The following NACC2 variants were observed in gnomAD, a reference collection of about 807,000 sequenced individuals.
NACC2 encodes nucleus accumbens-associated protein 2.
In NACC2, 8 loss-of-function variants were observed where a neutral mutation model predicts 25.1. That is an observed-to-expected ratio of 0.32 (90% confidence interval 0.19 to 0.57). The LOEUF is 0.57. NACC2 is among the 20% of genes least tolerant of loss of function. The pLI is 0.89. For missense variants in NACC2, 644 were observed against 650.2 expected (o/e 0.99, Z 0.10); for synonymous variants, 435 against 294.7 (o/e 1.48, Z -4.88).
At chr9:136,063,635 G>C (rs1841042056) in intron 1 of NACC2, among the ~76,000 whole-genome samples, 1 of 152,180 alleles carries the variant, frequency 6.6e-6, no homozygotes, top group South Asian at 2.1e-4. Context: ...TGTAATCCCA[G>C]CACTTGGGAG....
intron 2 of NACC2, among the ~76,000 whole-genome samples, chr9:136,043,311 C>A (rs1356697416): frequency 6.6e-6 from 1 of 152,150 alleles, no homozygotes; most frequent in Non-Finnish European, 1.5e-5. Flanking sequence ...AAATACGTCA[C>A]AATAAAAGTT....
chr9:136,029,833 C>T (rs1177328911), intron 2 of NACC2, among the ~76,000 whole-genome samples: 1 of 152,184 alleles, frequency 6.6e-6, no homozygotes, highest in African/African-American at 2.4e-5. Flanking sequence ...CTCGCTCACA[C>T]ACCCCTTGCT....
intron 1 of NACC2, among the ~76,000 whole-genome samples, chr9:136,085,323 T>A (rs988958942): frequency 6.6e-6 from 1 of 151,480 alleles, no homozygotes; most frequent in Admixed American, 6.6e-5. Flanking sequence ...CCCAAAAAAA[T>A]TTTTTTAATT....
At chr9:136,042,615 C>T (rs536718390) in intron 2 of NACC2, among the ~76,000 whole-genome samples, 6 of 152,186 alleles carry the variant, frequency 3.9e-5, no homozygotes, top group African/African-American at 1.4e-4. Flanking sequence ...ACTGTTAAGA[C>T]TTTTGCAAGA....
intron 1 of NACC2, among the ~76,000 whole-genome samples, chr9:136,059,445 T>G (rs570390137): frequency 6.6e-6 from 1 of 152,230 alleles, no homozygotes; most frequent in South Asian, 2.1e-4. Context: ...CCTGAGAAAG[T>G]GGACAGCGGC....
chr9:136,011,433 G>C lies in NACC2; in HGVS notation c.*83C>G, dbSNP rs1840104139. ...GCAACAGTAGCAGTTCAGTAGGTAA[G>C]TGGCTTGATCACATTTGTTTGTATT... On this transcript the variant is annotated 3_prime_UTR_variant, in exon 6 of 6. Coordinates refer to ENST00000277554, the MANE Select transcript of NACC2 (RefSeq NM_144653.5). The C allele has an allele frequency of 7.9e-7, 1 of 1,266,712 alleles. No homozygotes were observed. 78.5% of individuals were successfully genotyped at this position (1,266,712 alleles called of 1,614,324 possible).
At chr9:136,042,661 AACAC>A (rs572907892) in intron 2 of NACC2, among the ~76,000 whole-genome samples, 4 of 150,734 alleles carry the variant, frequency 2.7e-5, no homozygotes, top group Non-Finnish European at 4.4e-5. Context: ...CACACACAGA[AACAC>A]ACACAGACAC....
chr9:136,048,337 G>A (rs1840759924), intron 2 of NACC2, among the ~76,000 whole-genome samples: 1 of 152,214 alleles, frequency 6.6e-6, no homozygotes, highest in African/African-American at 2.4e-5. Context: ...GCCTCAGCCA[G>A]CCGGGTCCAC....
rs147098678 is a variant in NACC2 at position 136,070,151 on chromosome 9, A to C, written c.-59-19571T>G. Reference sequence around the variant, plus strand: ...AGAAATCGTAACAAAGGTAACAGGGAAATCTAGAAATGGAAATAACATACA... The same window carrying C: ...AGAAATCGTAACAAAGGTAACAGGGCAATCTAGAAATGGAAATAACATACA... On this transcript the variant is annotated intron_variant, in intron 1 of 5. Transcript: ENST00000277554. Among the ~76,000 whole-genome samples, 28 of 152,028 alleles carry C rather than the reference A, an allele frequency of 1.8e-4. 1 individual carries two copies. Among genetic ancestry groups the C allele is most frequent in the African/African-American group, 6.3e-4 (26 of 41,272 alleles).
intron 1 of NACC2, among the ~76,000 whole-genome samples, chr9:136,059,898 C>T (rs1359868582): frequency 2.6e-5 from 4 of 152,230 alleles, no homozygotes; most frequent in Non-Finnish European, 4.4e-5. Flanking sequence ...CAATTGCAGC[C>T]AAGACCCACC....
intron 2 of NACC2, among the ~76,000 whole-genome samples, chr9:136,047,359 C>T (rs1172627515): frequency 1.3e-5 from 2 of 152,198 alleles, no homozygotes; most frequent in Non-Finnish European, 2.9e-5. Context: ...TAGATTTTAA[C>T]CAAGAAATCA....
At chr9:136,063,313 T>A (rs996003292) in intron 1 of NACC2, among the ~76,000 whole-genome samples, 1 of 152,218 alleles carries the variant, frequency 6.6e-6, no homozygotes, top group African/African-American at 2.4e-5. Flanking sequence ...TGTGGGCTGA[T>A]CCTGTGGAGA....
Position 136,011,813 on chromosome 9 carries a change from C to T in NACC2, c.1467G>A (p.Gln489=), listed in dbSNP as rs1157893410. 1.9e-6 allele frequency: 3 copies of T among 1,579,196 alleles called. No individual in the cohort carries two copies. The South Asian group carries it at 3.4e-5, about 18-fold the overall frequency. ...CGGCGTAGATGCGTTGCTCGAACAC[C>T]TGTGCCGCGGCAGGCGGGAACTCGG... The part of the protein sequence containing the change: ...LDPEFPPAAA[Q]VFEQRIYAER... Residue 489 remains glutamine (Q), a synonymous_variant, in exon 6 of 6, where the codon CAG becomes CAA. Coordinates refer to ENST00000277554, the MANE Select transcript of NACC2 (RefSeq NM_144653.5).
intron 2 of NACC2, among the ~76,000 whole-genome samples, chr9:136,042,779 C>T (rs1840658811): frequency 6.6e-6 from 1 of 151,170 alleles, no homozygotes; most frequent in Non-Finnish European, 1.5e-5. Context: ...GACACACAGA[C>T]ACACACACAC....
chr9:136,037,683 A>G (rs954323625), intron 2 of NACC2, among the ~76,000 whole-genome samples: 47 of 151,872 alleles, frequency 3.1e-4, no homozygotes, highest in African/African-American at 1.0e-3. Context: ...AATTTTTTGT[A>G]TTTTTAGTAG....
intron 2 of NACC2, among the ~76,000 whole-genome samples, chr9:136,024,928 G>C (rs940627966): frequency 6.6e-6 from 1 of 152,224 alleles, no homozygotes; most frequent in African/African-American, 2.4e-5. Context: ...AGGATCCTGA[G>C]AGCCGGCCTC....
chr9:136,059,286 A>C (rs1239063072), intron 1 of NACC2, among the ~76,000 whole-genome samples: 1 of 152,174 alleles, frequency 6.6e-6, no homozygotes, highest in Admixed American at 6.5e-5. Flanking sequence ...GGGCCCGCAG[A>C]GCTAAGCAAG....
intron 1 of NACC2, among the ~76,000 whole-genome samples, chr9:136,088,117 G>A (rs192896096): frequency 2.2e-4 from 33 of 152,322 alleles, no homozygotes; most frequent in African/African-American, 7.5e-4. Context: ...TTGTACGGTC[G>A]CCAGGTGGAC....
chr9:136,095,090 G>A (rs1390218748), intron 1 of NACC2, 99 bp downstream of exon 1: 2 of 146,286 alleles, frequency 1.4e-5, no homozygotes, highest in African/African-American at 4.9e-5. Context: ...GCCAAGTTGG[G>A]CGGCCGCGGA....
Sources: gnomAD v4.1 joint callset for allele counts (sites outside exome capture counted in the v4.1 genomes callset) on GRCh38, gnomAD v4.1.1 for gene constraint, MANE v1.5 for transcripts, NCBI Gene and HGNC (gene_info 2026-07-23, HGNC 2026-07-21) for gene names.